The following SYT1 variants were observed in gnomAD, a reference collection of about 807,000 sequenced individuals.
The protein encoded by SYT1 is synaptotagmin-1.
A neutral mutation model predicts 44.8 loss-of-function variants in SYT1; 8 were observed. The ratio of observed to expected loss-of-function variants is 0.18; its 90% CI spans 0.10 to 0.32. SYT1 has a LOEUF of 0.32. Among genes scored for constraint, SYT1 ranks in the 10% least tolerant of loss-of-function variants. SYT1 has a pLI of 1.00. For synonymous variants in SYT1, 154 were observed against 188.8 expected, an observed-to-expected ratio of 0.82 and a Z score of 1.51; for missense variants, 286 against 509.3, an observed-to-expected ratio of 0.56 and a Z score of 4.22.
Position 79,231,514 on chromosome 12 carries a change from G to C in SYT1, c.166+13829G>C, listed in dbSNP as rs535932160. Reference sequence around the variant, plus strand: ...TTCTTAAAAAAAAAAGATAATAGTAGACAACGAATAATAGAAATATATTTG... The same window carrying C: ...TTCTTAAAAAAAAAAGATAATAGTACACAACGAATAATAGAAATATATTTG... On this transcript the variant is annotated intron_variant, in intron 4 of 10. Coordinates refer to ENST00000261205, the MANE Select transcript of SYT1 (RefSeq NM_005639.3). 1.8e-4 allele frequency among the ~76,000 whole-genome samples: 27 copies of C among 151,708 alleles called. 1 individual carries two copies. In the South Asian group the frequency reaches 3.5e-3, roughly 20 times the overall value.
chr12:78,884,994 A>G (rs183136999), intron 1 of SYT1, among the ~76,000 whole-genome samples: 103 of 151,948 alleles, frequency 6.8e-4, no homozygotes, highest in African/African-American at 2.5e-3. Context: ...TATAATGCTT[A>G]TTTTGGAAAT....
At chr12:78,888,179 T>G (rs1452989299) in intron 1 of SYT1, among the ~76,000 whole-genome samples, 2 of 151,886 alleles carry the variant, frequency 1.3e-5, no homozygotes, top group African/African-American at 4.8e-5. Context: ...TCTATGATTT[T>G]GGAGGATGAG....
intron 6 of SYT1, among the ~76,000 whole-genome samples, chr12:79,293,375 TAAAATAAAATAAAATA>T (rs1565894507): frequency 7.1e-6 from 1 of 140,512 alleles, no homozygotes; most frequent in East Asian, 2.1e-4. Context: ...TAAAATAAAA[TAAAATAAAATAAAATA>T]AAATAAAATA....
In SYT1 at chr12:79,029,805, C is replaced by A. The variant is rs138693317; in HGVS notation, c.-83-17492C>A. Among the ~76,000 whole-genome samples the A allele has an allele frequency of 4.5e-3, 682 of 150,752 alleles. 5 individuals carry two copies. The highest frequency in any genetic ancestry group is 0.015 in the African/African-American group (634 of 41,400). On this transcript the variant is annotated intron_variant, in intron 2 of 10. Coordinates refer to ENST00000261205, the MANE Select transcript of SYT1 (RefSeq NM_005639.3). ...GTATTATAAAGATAATGATTTTCTT[C>A]TTTACTCAAATGTAGAAAGAAAAGT...
intron 1 of SYT1, among the ~76,000 whole-genome samples, chr12:78,889,884 T>A (rs2137071526): frequency 6.6e-6 from 1 of 152,026 alleles, no homozygotes; most frequent in Non-Finnish European, 1.5e-5. Context: ...AAGACACTGG[T>A]CCATTTCCCA....
intron 2 of SYT1, among the ~76,000 whole-genome samples, chr12:79,044,899 A>AGTGTGCCCCT (rs1263812854): frequency 2.6e-5 from 4 of 152,164 alleles, no homozygotes; most frequent in Non-Finnish European, 4.4e-5. Flanking sequence ...GTGAGGTGTC[A>AGTGTGCCCCT]GTGTGCCCCT....
intron 3 of SYT1, among the ~76,000 whole-genome samples, chr12:79,062,636 C>A (rs1362725900): frequency 6.6e-6 from 1 of 152,108 alleles, no homozygotes. Flanking sequence ...CCCATGGTGA[C>A]TGAAACTTGA....
chr12:79,138,067 A>G (rs1404663326), intron 3 of SYT1, among the ~76,000 whole-genome samples: 2 of 152,234 alleles, frequency 1.3e-5, no homozygotes, highest in East Asian at 3.8e-4. Context: ...GAAGGGCAAC[A>G]TAAATAATTA....
intron 3 of SYT1, among the ~76,000 whole-genome samples, chr12:79,087,638 C>T (rs1877474632): frequency 6.6e-6 from 1 of 151,928 alleles, no homozygotes; most frequent in South Asian, 2.1e-4. Flanking sequence ...GTAACATACA[C>T]CAGGCAGAGG....
At chr12:79,371,220 G>C (rs559964776) in intron 9 of SYT1, among the ~76,000 whole-genome samples, 1 of 152,262 alleles carries the variant, frequency 6.6e-6, no homozygotes, top group African/African-American at 2.4e-5. Context: ...CAAAGGCCCA[G>C]CTCCTCACTC....
intron 3 of SYT1, among the ~76,000 whole-genome samples, chr12:79,157,968 C>A (rs2138291555): frequency 6.6e-6 from 1 of 152,150 alleles, no homozygotes; most frequent in South Asian, 2.1e-4. Flanking sequence ...TTACATCCAC[C>A]ATGGTATAAA....
At chr12:78,997,479 G>T (rs1454936561) in intron 2 of SYT1, among the ~76,000 whole-genome samples, 1 of 152,104 alleles carries the variant, frequency 6.6e-6, no homozygotes, top group Non-Finnish European at 1.5e-5. Context: ...TTGAGAGTAG[G>T]TGGTAATACT....
intron 8 of SYT1, among the ~76,000 whole-genome samples, chr12:79,300,652 T>C (rs76368088): frequency 0.035 from 5,265 of 152,006 alleles, 156 homozygotes; most frequent in East Asian, 0.13. Context: ...CTGTTTGCTA[T>C]TTGATTTTAC....
At chr12:79,163,027 A>T (rs1381919751) in intron 3 of SYT1, among the ~76,000 whole-genome samples, 2 of 152,110 alleles carry the variant, frequency 1.3e-5, no homozygotes, top group African/African-American at 4.8e-5. Flanking sequence ...GAATTGATCC[A>T]TAATTAGAAT....
intron 1 of SYT1, among the ~76,000 whole-genome samples, chr12:78,933,876 G>A (rs1261268435): frequency 6.6e-6 from 1 of 150,964 alleles, no homozygotes; most frequent in East Asian, 2.0e-4. Context: ...AAAATTTAAG[G>A]GAACATGCCT....
intron 1 of SYT1, among the ~76,000 whole-genome samples, chr12:78,876,460 GGT>G (rs35585610): frequency 0.49 from 56,999 of 115,820 alleles, 13,938 homozygotes; most frequent in Non-Finnish European, 0.58. Flanking sequence ...TGAAAATGGA[GGT>G]GTTTTTTTTT....
intron 9 of SYT1, among the ~76,000 whole-genome samples, chr12:79,429,665 A>T (rs1869661887): frequency 6.6e-6 from 1 of 152,116 alleles, no homozygotes; most frequent in African/African-American, 2.4e-5. Flanking sequence ...AGTAGCTGGG[A>T]CTACAGGCAC....
At chr12:78,954,210 T>C (rs1879104431) in intron 1 of SYT1, among the ~76,000 whole-genome samples, 1 of 152,100 alleles carries the variant, frequency 6.6e-6, no homozygotes, top group South Asian at 2.1e-4. Context: ...TTGACACATG[T>C]TTTCTTTTTG....
intron 8 of SYT1, among the ~76,000 whole-genome samples, chr12:79,336,102 A>G (rs1882078831): frequency 6.6e-6 from 1 of 152,202 alleles, no homozygotes; most frequent in South Asian, 2.1e-4. Flanking sequence ...TTCTCCTGAT[A>G]CAGCCTACAA....
Sources: allele counts gnomAD v4.1 joint callset (sites outside exome capture counted in the v4.1 genomes callset), GRCh38; gene constraint gnomAD v4.1.1; transcripts MANE v1.5; gene names NCBI Gene and HGNC (gene_info 2026-07-23, HGNC 2026-07-21).